ITPRID1: variants seen among roughly 807,000 people sequenced by gnomAD.
ITPRID1 encodes the protein protein ITPRID1.
A neutral mutation model predicts 95.4 loss-of-function variants in ITPRID1; 96 were observed. The ratio of observed to expected loss-of-function variants is 1.01; its 90% confidence interval spans 0.85 to 1.19. The LOEUF is 1.19. Ranked by LOEUF, ITPRID1 falls within the 50% of genes most tolerant of loss-of-function variation. ITPRID1 has a pLI of 0.00. For missense variants in ITPRID1, 1,339 were observed against 1,252.9 expected, an observed-to-expected ratio of 1.07 and a Z score of -1.04; for synonymous variants, 510 against 453.6, an observed-to-expected ratio of 1.12 and a Z score of -1.58.
At position 31,652,481 on chromosome 7, in the gene ITPRID1, G is replaced by A. The variant is rs201670998; in HGVS notation, c.2824-37G>A. ...GTAAGCTGTTTGGTGCCAATGTGAT[G>A]TGCTGTTTACTCTTTTTCCTCTTGT... On this transcript the variant is annotated intron_variant, in intron 14 of 14. Transcript: ENST00000615280. 3.0e-5 allele frequency: 46 copies of A among 1,543,950 alleles called. No individual in the cohort carries two copies. In the East Asian group the frequency reaches 5.8e-4, roughly 20 times the overall value.
At chr7:31,555,041 C>A in intron 5 of ITPRID1, 140 bp downstream of exon 5, 1 of 666,982 alleles carries the variant, frequency 1.5e-6, no homozygotes. Flanking sequence ...CCAGCTCAAT[C>A]TCTTCATTTG....
intron 7 of ITPRID1, among the ~76,000 whole-genome samples, chr7:31,574,124 A>G (rs1309131596): frequency 1.3e-5 from 2 of 151,416 alleles, no homozygotes; most frequent in Non-Finnish European, 2.9e-5. Flanking sequence ...CTGGTGCTCT[A>G]TTAAAATAGC....
At chr7:31,607,561 ACT>A (rs531624087) in intron 10 of ITPRID1, among the ~76,000 whole-genome samples, 28 of 151,936 alleles carry the variant, frequency 1.8e-4, no homozygotes, top group Admixed American at 1.6e-3. Context: ...CTGTTCTGTT[ACT>A]CTCTCCAGAA....
intron 10 of ITPRID1, among the ~76,000 whole-genome samples, chr7:31,635,845 A>G (rs1789435682): frequency 6.6e-6 from 1 of 152,162 alleles, no homozygotes. Flanking sequence ...TACCTAGGTG[A>G]TTGGCCGATA....
intron 10 of ITPRID1, among the ~76,000 whole-genome samples, chr7:31,632,368 A>G (rs1789085837): frequency 6.6e-6 from 1 of 152,122 alleles, no homozygotes. Context: ...GAATCGCTTG[A>G]ACCCGGGAGG....
rs375772045 is a variant in ITPRID1 at position 31,631,773 on chromosome 7, C to T, written c.1229-10403C>T. On this transcript the variant is annotated intron_variant, in intron 10 of 14. Coordinates refer to ENST00000615280, the MANE Select transcript of ITPRID1 (RefSeq NM_001257967.3). ...GCTAATGGAAGTAATTCAAATGTTA[C>T]GTAGAAATCTTCATAGGATAGAGAC... Among the ~76,000 whole-genome samples, 21 of 152,320 alleles carry T rather than the reference C, an allele frequency of 1.4e-4. No individual in the cohort carries two copies. In the South Asian group the frequency reaches 1.7e-3, roughly 12 times the overall value.
intron 12 of ITPRID1, among the ~76,000 whole-genome samples, chr7:31,645,342 A>G (rs1378679807): frequency 1.3e-5 from 2 of 152,196 alleles, no homozygotes; most frequent in South Asian, 2.1e-4. Flanking sequence ...GAAAGTTTAA[A>G]TAATTTATCA....
chr7:31,530,472 T>C (rs1340558944), intron 1 of ITPRID1, among the ~76,000 whole-genome samples: 1 of 152,168 alleles, frequency 6.6e-6, no homozygotes, highest in East Asian at 1.9e-4. Flanking sequence ...ATAGCGTATC[T>C]GGGGGGTATA....
At chr7:31,530,638 AATC>A (rs1261054551) in intron 1 of ITPRID1, among the ~76,000 whole-genome samples, 1 of 152,200 alleles carries the variant, frequency 6.6e-6, no homozygotes, top group Non-Finnish European at 1.5e-5. Flanking sequence ...TTATGAGAAA[AATC>A]ATCCATTTCT....
rs1645094216 is a variant in ITPRID1, at chr7:31,655,453, A to T, written c.*2624A>T. 6.6e-6 allele frequency among the ~76,000 whole-genome samples: 1 copy of T among 152,222 alleles called. No individual in the cohort carries two copies. On this transcript the variant is annotated 3_prime_UTR_variant, in exon 15 of 15. Transcript: ENST00000615280. ...TCTCCAAACTGCACTGGCCTCTGCC[A>T]GGTTGGGCTCTCTCAGCCACCATGT...
At chr7:31,539,796 A>G (rs1039275562) in intron 1 of ITPRID1, among the ~76,000 whole-genome samples, 3 of 151,850 alleles carry the variant, frequency 2.0e-5, no homozygotes, top group African/African-American at 7.3e-5. Context: ...TGTGTGGGGG[A>G]GAAGTTTATT....
chr7:31,525,079 CTCAA>C (rs1783381549), intron 1 of ITPRID1, among the ~76,000 whole-genome samples: 1 of 152,154 alleles, frequency 6.6e-6, no homozygotes, highest in Admixed American at 6.5e-5. Context: ...AAAATGATGA[CTCAA>C]TCAAGTTTAC....
chr7:31,546,967 A>G lies in ITPRID1; in HGVS notation c.-97-2459A>G, dbSNP rs369609154. Reference sequence around the variant, plus strand: ...GAAAATCAGCAAAAAAGCTTGAGGAAAAAAGCTTTGAGGTAGGAGAAAATC... The same window carrying G: ...GAAAATCAGCAAAAAAGCTTGAGGAGAAAAGCTTTGAGGTAGGAGAAAATC... On this transcript the variant is annotated intron_variant, in intron 1 of 14. Coordinates refer to ENST00000615280, the MANE Select transcript of ITPRID1 (RefSeq NM_001257967.3). Among the ~76,000 whole-genome samples, 9 of 152,272 alleles carry G rather than the reference A, an allele frequency of 5.9e-5. No homozygotes were observed. In the East Asian group the frequency reaches 1.7e-3, roughly 29 times the overall value.
intron 1 of ITPRID1, among the ~76,000 whole-genome samples, chr7:31,516,294 G>T (rs535359507): frequency 6.6e-6 from 1 of 152,142 alleles, no homozygotes; most frequent in South Asian, 2.1e-4. Flanking sequence ...GTATGTATGT[G>T]TGTACTATTG....
At chr7:31,543,423 AT>A in intron 1 of ITPRID1, among the ~76,000 whole-genome samples, 1 of 152,092 alleles carries the variant, frequency 6.6e-6, no homozygotes, top group African/African-American at 2.4e-5. Context: ...GAATATACTC[AT>A]AGCTTGCTTA....
chr7:31,656,686 T>C (rs577594368), downstream of ITPRID1, among the ~76,000 whole-genome samples: 4 of 152,222 alleles, frequency 2.6e-5, no homozygotes, highest in African/African-American at 9.6e-5. Context: ...TGAGTTTAGA[T>C]TGTAAAAAGG....
intron 10 of ITPRID1, among the ~76,000 whole-genome samples, chr7:31,638,839 C>T (rs559851288): frequency 4.6e-5 from 7 of 152,164 alleles, no homozygotes; most frequent in African/African-American, 9.6e-5. Flanking sequence ...TGGAGTGACC[C>T]AATCTCAGCT....
Position 31,519,994 on chromosome 7 carries a change from C to T in ITPRID1, c.-98+5874C>T, listed in dbSNP as rs547350585. 3.3e-5 allele frequency among the ~76,000 whole-genome samples: 5 copies of T among 151,556 alleles called. No individual in the cohort carries two copies. The South Asian group carries it at 1.0e-3, about 32-fold the overall frequency. On this transcript the variant is annotated intron_variant, in intron 1 of 14. Coordinates refer to ENST00000615280, the MANE Select transcript of ITPRID1 (RefSeq NM_001257967.3). ...TTGTTTCATGATGTCATTCAGGATG[C>T]CATATCATATTTAGTTGGTACATCT...
At chr7:31,632,357 A>G (rs1389488359) in intron 10 of ITPRID1, among the ~76,000 whole-genome samples, 1 of 152,168 alleles carries the variant, frequency 6.6e-6, no homozygotes, top group Non-Finnish European at 1.5e-5. Context: ...CTGAAACAGG[A>G]GAATCGCTTG....
Sources: gnomAD v4.1 joint callset for allele counts (sites outside exome capture counted in the v4.1 genomes callset) on GRCh38, gnomAD v4.1.1 for gene constraint, MANE v1.5 for transcripts, NCBI Gene and HGNC (gene_info 2026-07-23, HGNC 2026-07-21) for gene names.